The following CDK17 variants were observed in gnomAD, a reference collection of about 807,000 sequenced individuals.
CDK17 encodes the protein cyclin-dependent kinase 17.
CDK17 carries 24 observed loss-of-function variants against 77.6 expected under a neutral mutation model. The observed-to-expected ratio is 0.31, with a 90% CI of 0.22 to 0.44. The LOEUF (loss-of-function observed/expected upper bound fraction) is 0.44. Ranked by LOEUF, CDK17 falls within the 20% of genes least tolerant of loss-of-function variation. The pLI, the probability that CDK17 is intolerant of heterozygous loss-of-function variation, is 1.00. For missense variants in CDK17, 429 were observed against 622.5 expected, an observed-to-expected ratio of 0.69 and a Z score of 3.31; for synonymous variants, 203 against 210.4, an observed-to-expected ratio of 0.96 and a Z score of 0.30.
intron 1 of CDK17, among the ~76,000 whole-genome samples, chr12:96,373,820 T>C (rs754638995): frequency 3.3e-5 from 5 of 151,512 alleles, no homozygotes; most frequent in African/African-American, 4.9e-5. Flanking sequence ...CTTAGGAGGC[T>C]GGGGCAGGAG....
intron 2 of CDK17, among the ~76,000 whole-genome samples, chr12:96,328,771 T>C (rs1313470336): frequency 6.6e-6 from 1 of 152,118 alleles, no homozygotes; most frequent in Non-Finnish European, 1.5e-5. Context: ...GAGATCCAGA[T>C]GAAGATCCTA....
At chr12:96,284,141 G>A (rs1047995637) in intron 13 of CDK17, among the ~76,000 whole-genome samples, 1 of 152,150 alleles carries the variant, frequency 6.6e-6, no homozygotes, top group African/African-American at 2.4e-5. Flanking sequence ...AAGGTATTGA[G>A]TTCAATTTAA....
At chr12:96,296,306 GAC>G (rs1196430711) in intron 9 of CDK17, among the ~76,000 whole-genome samples, 2 of 152,028 alleles carry the variant, frequency 1.3e-5, no homozygotes, top group Non-Finnish European at 2.9e-5. Flanking sequence ...AATACAAAAT[GAC>G]AGTTATAACA....
At position 96,324,175 on chromosome 12, in the gene CDK17, AGGATT is replaced by A. The variant is rs1952862696; in HGVS notation, c.119-68_119-64del. 2.9e-6 allele frequency: 4 copies of A among 1,357,024 alleles called. No homozygotes were observed. The East Asian group carries it at 9.8e-5, about 33-fold the overall frequency. The allele number at this position is 1,357,024 out of a possible 1,614,324, so 84.1% of individuals were successfully genotyped here. A position where few individuals can be genotyped will look rare whatever the true frequency, so the allele number is the denominator to read the frequency against. On this transcript the variant is annotated intron_variant, in intron 2 of 16. Coordinates refer to ENST00000261211, the MANE Select transcript of CDK17 (RefSeq NM_002595.5). ...GTCCAAGATCCAGGATCACATGAGA[AGGATT>A]CAGAAAGCAAAACAAAAAGTTGTAA...
rs140337230 is a variant in CDK17, at chr12:96,360,521, T to C, written c.-29-25656A>G. On this transcript the variant is annotated intron_variant, in intron 1 of 16. Coordinates refer to ENST00000261211, the MANE Select transcript of CDK17 (RefSeq NM_002595.5). Reference sequence around the variant, plus strand: ...TAAACATCTCATTTTCTGAAGAATTTTAGATGCCAAAAATTATCAAAATAA... The same window carrying C: ...TAAACATCTCATTTTCTGAAGAATTCTAGATGCCAAAAATTATCAAAATAA... 3.5e-3 allele frequency among the ~76,000 whole-genome samples: 526 copies of C among 152,300 alleles called. 2 individuals are homozygous for C. Among genetic ancestry groups the C allele is most frequent in the African/African-American group, 0.011 (451 of 41,568 alleles).
chr12:96,283,603 C>G lies in CDK17; in HGVS notation c.1365G>C (p.Gln455His). The change falls in exon 14 of 17, where the codon CAG becomes CAC. Residue 455 changes from glutamine (Q) to histidine (H), a missense_variant and splice_region_variant. Transcript: ENST00000261211. ...ACAATTACTGTAAGAACTGACTTAC[C>G]TGAAGAAATTTTGTTATCAACTCAA... Reference protein sequence around the residue: ...EGIELITKFLQYESKKRVSAE... With the variant: ...EGIELITKFLHYESKKRVSAE... 6.3e-7 allele frequency: 1 copy of G among 1,591,474 alleles called. No homozygotes were observed. Among genetic ancestry groups the G allele is most frequent in the Non-Finnish European group, 8.6e-7 (1 of 1,161,484 alleles).
chr12:96,379,892 G>T (rs1463713692), intron 1 of CDK17, among the ~76,000 whole-genome samples: 2 of 151,980 alleles, frequency 1.3e-5, no homozygotes, highest in Non-Finnish European at 2.9e-5. Context: ...ATTCTCCCTG[G>T]GCGCTGTAGC....
chr12:96,301,610 T>C (rs751372957), intron 5 of CDK17, among the ~76,000 whole-genome samples: 15 of 152,146 alleles, frequency 9.9e-5, no homozygotes, highest in African/African-American at 1.4e-4. Flanking sequence ...TCCACTTGCT[T>C]AGAATGGTGC....
At position 96,355,462 on chromosome 12, in the gene CDK17, T is replaced by C. The variant is rs527435657; in HGVS notation, c.-29-20597A>G. 5.7e-5 allele frequency among the ~76,000 whole-genome samples: 8 copies of C among 140,632 alleles called. No homozygotes were observed. In the East Asian group the frequency reaches 1.7e-3, roughly 30 times the overall value. The allele number at this position is 140,632 out of a possible 152,430, so 92.3% of individuals were successfully genotyped here. A position where few individuals can be genotyped will look rare whatever the true frequency, so the allele number is the denominator to read the frequency against. ...CTCTGTTGTGCAGTCTGGAGTGTAA[T>C]GGCACGATCTCAGCTCACTGCAGCC... is the stretch of plus-strand genomic sequence containing the variant. On this transcript the variant is annotated intron_variant, in intron 1 of 16. Coordinates refer to ENST00000261211, the MANE Select transcript of CDK17 (RefSeq NM_002595.5).
At chr12:96,319,262 C>T (rs1258434715) in intron 3 of CDK17, among the ~76,000 whole-genome samples, 30 of 149,520 alleles carry the variant, frequency 2.0e-4, no homozygotes, top group Non-Finnish European at 3.3e-4. Context: ...GAAGTTGAAT[C>T]TCTGAATAGA....
chr12:96,338,626 A>G (rs1187374706), intron 1 of CDK17, among the ~76,000 whole-genome samples: 1 of 152,068 alleles, frequency 6.6e-6, no homozygotes, highest in Non-Finnish European at 1.5e-5. Context: ...CCCGGCCTCA[A>G]GTGATCCGCT....
chr12:96,350,271 T>C (rs1317108496), intron 1 of CDK17, among the ~76,000 whole-genome samples: 1 of 151,752 alleles, frequency 6.6e-6, no homozygotes, highest in Non-Finnish European at 1.5e-5. Flanking sequence ...GTCTAAAATT[T>C]GTTCCGGTTT....
chr12:96,322,727 T>TA (rs1407864220), intron 3 of CDK17, among the ~76,000 whole-genome samples: 5 of 152,218 alleles, frequency 3.3e-5, no homozygotes, highest in Non-Finnish European at 7.3e-5. Flanking sequence ...TTAAAAGTGG[T>TA]AAAAAATTAG....
intron 5 of CDK17, among the ~76,000 whole-genome samples, chr12:96,301,516 A>C (rs1952503694): frequency 6.6e-6 from 1 of 152,196 alleles, no homozygotes; most frequent in South Asian, 2.1e-4. Context: ...AAAGTAAAAC[A>C]GAATGGGAAA....
chr12:96,342,815 T>G (rs577960174), intron 1 of CDK17, among the ~76,000 whole-genome samples: 166 of 150,912 alleles, frequency 1.1e-3, no homozygotes, highest in African/African-American at 3.7e-3. Context: ...AATATAAAAT[T>G]AGCTGGGTGT....
intron 5 of CDK17, among the ~76,000 whole-genome samples, chr12:96,310,682 T>C (rs975552365): frequency 5.9e-5 from 9 of 151,346 alleles, no homozygotes; most frequent in Non-Finnish European, 1.0e-4. Context: ...CAAAGGTTCG[T>C]TGAGCTGTAC....
chr12:96,291,765 T>G (rs1487833420), intron 10 of CDK17, among the ~76,000 whole-genome samples: 2 of 151,780 alleles, frequency 1.3e-5, no homozygotes, highest in Non-Finnish European at 2.9e-5. Context: ...ATTACAGGTG[T>G]CCGCCACAAT....
In CDK17 at chr12:96,350,850, C is replaced by T. The variant is rs1953300529; in HGVS notation, c.-29-15985G>A. Among the ~76,000 whole-genome samples, 7 of 151,974 alleles carry T rather than the reference C, an allele frequency of 4.6e-5. No homozygotes were observed. The South Asian group carries it at 1.2e-3, about 27-fold the overall frequency. The stretch of plus-strand genomic sequence containing the variant: ...AGGCACAGGCAACAACAAAAAAGAC[C>T]CCCAAAAACAGACATATTGGACTTT... On this transcript the variant is annotated intron_variant, in intron 1 of 16. Coordinates refer to ENST00000261211, the MANE Select transcript of CDK17 (RefSeq NM_002595.5).
intron 3 of CDK17, 77 bp from the exon 4 acceptor site, chr12:96,313,531 TAGA>T (rs1200029052): frequency 1.2e-6 from 1 of 804,710 alleles, no homozygotes; most frequent in African/African-American, 1.8e-5. Context: ...GGGTAAAATA[TAGA>T]AGGCCAACGA....
Sources: gnomAD v4.1 joint callset for allele counts (sites outside exome capture counted in the v4.1 genomes callset) on GRCh38, gnomAD v4.1.1 for gene constraint, MANE v1.5 for transcripts, NCBI Gene and HGNC (gene_info 2026-07-23, HGNC 2026-07-21) for gene names.